The following SCAI variants were observed in gnomAD, a reference collection of about 807,000 sequenced individuals.
SCAI encodes the protein suppressor of cancer cell invasion.
A neutral mutation model predicts 92.2 loss-of-function variants in SCAI; 24 were observed. That is an observed-to-expected ratio of 0.26 (90% CI 0.19 to 0.37). The LOEUF is 0.37. SCAI is among the 10% of genes least tolerant of loss of function. SCAI has a pLI of 1.00. For synonymous variants in SCAI, 261 were observed against 258.6 expected, an observed-to-expected ratio of 1.01 and a Z score of -0.09; for missense variants, 450 against 736.2, an observed-to-expected ratio of 0.61 and a Z score of 4.50.
At chr9:124,966,239 C>T (rs1386146680) in intron 17 of SCAI, among the ~76,000 whole-genome samples, 2 of 142,516 alleles carry the variant, frequency 1.4e-5, no homozygotes, top group Non-Finnish European at 3.1e-5. Flanking sequence ...CCCCCGACCC[C>T]ACAACAGGCC....
At chr9:124,960,097 T>C (rs563417651) in intron 17 of SCAI, among the ~76,000 whole-genome samples, 1 of 152,198 alleles carries the variant, frequency 6.6e-6, no homozygotes, top group Admixed American at 6.5e-5. Context: ...TCTAGATCCC[T>C]GAGGAATCAC....
In SCAI at chr9:125,045,313, A is replaced by G. The variant is rs150554761; in HGVS notation, c.230+10563T>C. ...ACTCCTGGCCTCAAGTGATCTGCCTACCTCAGCCTCCCAAAGTGCTGGGAT... is the reference window on the plus strand; with the variant it reads ...ACTCCTGGCCTCAAGTGATCTGCCTGCCTCAGCCTCCCAAAGTGCTGGGAT... On this transcript the variant is annotated intron_variant, in intron 3 of 17. Transcript: ENST00000336505. Among the ~76,000 whole-genome samples, 930 of 152,202 alleles carry G rather than the reference A, an allele frequency of 6.1e-3. 10 individuals carry two copies. The highest frequency in any genetic ancestry group is 0.035 in the East Asian group (180 of 5,180).
At chr9:125,063,088 A>T (rs1833804594) in intron 2 of SCAI, among the ~76,000 whole-genome samples, 1 of 144,506 alleles carries the variant, frequency 6.9e-6, no homozygotes, top group Non-Finnish European at 1.5e-5. Context: ...GAATGGTTTT[A>T]ATTATAACCC....
chr9:125,114,251 G>A (rs1272481906), intron 2 of SCAI, among the ~76,000 whole-genome samples: 1 of 151,974 alleles, frequency 6.6e-6, no homozygotes, highest in African/African-American at 2.4e-5. Context: ...GTAGTCGCTG[G>A]CATAAAAAAT....
chr9:125,120,881 CA>C (rs1564422173), intron 2 of SCAI, among the ~76,000 whole-genome samples: 1 of 149,984 alleles, frequency 6.7e-6, no homozygotes, highest in Admixed American at 6.7e-5. Context: ...GACTTCATCT[CA>C]AAAAAAGAAA....
At chr9:124,973,738 G>T (rs149336371) in intron 15 of SCAI, among the ~76,000 whole-genome samples, 81 of 152,304 alleles carry the variant, frequency 5.3e-4, no homozygotes, top group African/African-American at 1.8e-3. Flanking sequence ...GAGGCAAGGA[G>T]AATCGCTTGA....
chr9:125,010,360 C>T (rs571439194), intron 9 of SCAI, among the ~76,000 whole-genome samples: 7 of 152,324 alleles, frequency 4.6e-5, no homozygotes, highest in East Asian at 3.9e-4. Context: ...GCTTAAAAAA[C>T]GGTGCACCAG....
At chr9:125,002,511 T>C (rs1832383655) in intron 11 of SCAI, among the ~76,000 whole-genome samples, 1 of 145,998 alleles carries the variant, frequency 6.8e-6, no homozygotes, top group Non-Finnish European at 1.5e-5. Flanking sequence ...AAACAGAGTT[T>C]CACTCTTGTT....
At chr9:125,110,760 C>T (rs1834913293) in intron 2 of SCAI, among the ~76,000 whole-genome samples, 1 of 152,128 alleles carries the variant, frequency 6.6e-6, no homozygotes, top group African/African-American at 2.4e-5. Context: ...TATTTCTTTA[C>T]AAATTTACCC....
chr9:125,069,247 T>A (rs1415179770), intron 2 of SCAI, among the ~76,000 whole-genome samples: 2 of 151,432 alleles, frequency 1.3e-5, no homozygotes, highest in Non-Finnish European at 2.9e-5. Context: ...AACAAAAAAA[T>A]TTATTCTGAC....
chr9:125,037,723 T>C (rs948246225), intron 3 of SCAI, among the ~76,000 whole-genome samples: 5 of 151,868 alleles, frequency 3.3e-5, no homozygotes, highest in Admixed American at 3.3e-4. Context: ...GAGACCAGCC[T>C]GACCAACATG....
chr9:125,011,531 T>C (rs1243967796), intron 9 of SCAI, among the ~76,000 whole-genome samples: 1 of 152,208 alleles, frequency 6.6e-6, no homozygotes, highest in African/African-American at 2.4e-5. Flanking sequence ...TATGGGACTA[T>C]GTGAAAAGAC....
At chr9:125,107,966 C>T (rs1278950276) in intron 2 of SCAI, among the ~76,000 whole-genome samples, 1 of 152,140 alleles carries the variant, frequency 6.6e-6, no homozygotes, top group African/African-American at 2.4e-5. Context: ...CGAACCCCTG[C>T]GATTGCAGGC....
At chr9:125,103,589 A>G (rs1834721358) in intron 2 of SCAI, among the ~76,000 whole-genome samples, 3 of 152,200 alleles carry the variant, frequency 2.0e-5, no homozygotes, top group Admixed American at 2.0e-4. Context: ...TTCCAACCAC[A>G]ATAATGAAGT....
intron 3 of SCAI, among the ~76,000 whole-genome samples, chr9:125,039,385 C>CAAAAAAAAAAAAAAAAAAAAAA (rs58716034): frequency 4.1e-5 from 2 of 48,350 alleles, no homozygotes; most frequent in Non-Finnish European, 8.2e-5. Flanking sequence ...GACTCCATCT[C>CAAAAAAAAAAAAAAAAAAAAAA]AAAAAAAAAA....
chr9:125,099,542 A>G (rs151017985), intron 2 of SCAI, among the ~76,000 whole-genome samples: 228 of 152,268 alleles, frequency 1.5e-3, no homozygotes, highest in African/African-American at 5.0e-3. Context: ...TCAGCCTCCC[A>G]AAGTGCTAGG....
At position 124,947,132 on chromosome 9, in the gene SCAI, A is replaced by G. The variant is rs1831157369; in HGVS notation, c.*5675T>C. 1 of 152,202 alleles carries G rather than the reference A, an allele frequency of 6.6e-6. No individual in the cohort carries two copies. The allele number at this position is 152,202 out of a possible 1,614,324, so 9.4% of individuals were successfully genotyped here. A position where few individuals can be genotyped will look rare whatever the true frequency, so the allele number is the denominator to read the frequency against. ...AGGCATAAAAATGACAACTGGGAAT[A>G]TATTTCCCCTATTTAATGGACATTT... On this transcript the variant is annotated 3_prime_UTR_variant, in exon 18 of 18. Coordinates refer to ENST00000336505, the MANE Select transcript of SCAI (RefSeq NM_001144877.3).
chr9:125,123,196 T>C (rs1835194145), intron 2 of SCAI, among the ~76,000 whole-genome samples: 2 of 152,064 alleles, frequency 1.3e-5, no homozygotes, highest in Non-Finnish European at 2.9e-5. Flanking sequence ...ACTCTGTCTC[T>C]AATAAAACTA....
At chr9:125,018,979 C>T (rs748595068) in intron 8 of SCAI, 28 bp from the exon 9 acceptor site, 13 of 1,608,048 alleles carry the variant, frequency 8.1e-6, no homozygotes, top group East Asian at 2.2e-5. Flanking sequence ...AAGAACTTAA[C>T]GAATGGCCAA....
Sources: allele counts gnomAD v4.1 joint callset (sites outside exome capture counted in the v4.1 genomes callset), GRCh38; gene constraint gnomAD v4.1.1; transcripts MANE v1.5; gene names NCBI Gene and HGNC (gene_info 2026-07-23, HGNC 2026-07-21).